The following PCBP3 variants were observed in gnomAD, a reference collection of about 807,000 sequenced individuals.
The protein encoded by PCBP3 is poly(rC) binding protein 3.
A neutral mutation model predicts 52.7 loss-of-function variants in PCBP3; 25 were observed. That is an observed-to-expected ratio of 0.47 (90% confidence interval 0.35 to 0.66). The LOEUF is 0.66. Among genes scored for constraint, PCBP3 ranks in the 30% least tolerant of loss-of-function variants. The pLI is 0.01. For synonymous variants in PCBP3, 162 were observed against 183.0 expected (o/e 0.89, Z 0.93); for missense variants, 391 against 490.3 (o/e 0.80, Z 1.91).
chr21:45,700,988 C>CAGAA, intron 2 of PCBP3, among the ~76,000 whole-genome samples: 1 of 152,090 alleles, frequency 6.6e-6, no homozygotes, highest in Non-Finnish European at 1.5e-5. Context: ...GCACAGTGTC[C>CAGAA]CCACCAAGTG....
At position 45,746,124 on chromosome 21, in the gene PCBP3, G is replaced by A. The variant is rs1249321656; in HGVS notation, c.-161-9293G>A. Among the ~76,000 whole-genome samples the A allele has an allele frequency of 2.4e-5, 3 of 127,322 alleles. 1 individual carries two copies. Among genetic ancestry groups the A allele is most frequent in the Non-Finnish European group, 4.8e-5 (3 of 63,080 alleles). 83.5% of individuals were successfully genotyped at this position (127,322 alleles called of 152,430 possible). ...CGCTGTGTCAGTCCACTGACGTAGC[G>A]CACACGGTGTTGTGTCAGCATCGCT... is the stretch of plus-strand genomic sequence containing the variant. On this transcript the variant is annotated intron_variant, in intron 3 of 17. Transcript: ENST00000681687.
intron 3 of PCBP3, chr21:45,750,032 G>A (rs932500572): frequency 3.3e-5 from 5 of 152,240 alleles, no homozygotes; most frequent in Admixed American, 6.5e-5. Context: ...CCTTTGGGGC[G>A]TGTCCAGGGA....
rs899097047 is a variant in PCBP3 at position 45,656,761 on chromosome 21, T to C, written c.-278-12113T>C. On this transcript the variant is annotated intron_variant, in intron 1 of 17. Coordinates refer to ENST00000681687, the MANE Select transcript of PCBP3 (RefSeq NM_001384156.1). The surrounding 1 kb of genome is among the most constrained non-coding windows in gnomAD (Gnocchi z 4.3). ...GTTCTTTATGTATTCTGTATGTTAG[T>C]CCCTTATCAGGTATATGATTTGCAA... Among the ~76,000 whole-genome samples the C allele has an allele frequency of 6.6e-5, 10 of 152,220 alleles. No homozygotes were observed. Among genetic ancestry groups the C allele is most frequent in the Admixed American group, 2.0e-4 (3 of 15,272 alleles).
intron 4 of PCBP3, among the ~76,000 whole-genome samples, chr21:45,819,096 C>T (rs916576716): frequency 1.3e-5 from 2 of 152,122 alleles, no homozygotes; most frequent in African/African-American, 4.8e-5. Context: ...CGTGTCATTA[C>T]ACATTTGCCC....
chr21:45,649,656 CTT>C (rs968762319), intron 1 of PCBP3, among the ~76,000 whole-genome samples: 2 of 152,082 alleles, frequency 1.3e-5, no homozygotes, highest in Non-Finnish European at 2.9e-5. Flanking sequence ...GTTCTTAAAT[CTT>C]TTATTGATCT....
intron 9 of PCBP3, among the ~76,000 whole-genome samples, chr21:45,901,744 A>AGAGAC (rs1569474835): frequency 1.2e-5 from 1 of 86,760 alleles, no homozygotes; most frequent in African/African-American, 6.0e-5. Context: ...GAGAGACAGA[A>AGAGAC]AGAGAGAGAG....
chr21:45,826,478 C>G (rs1295830310), intron 4 of PCBP3, among the ~76,000 whole-genome samples: 1 of 152,152 alleles, frequency 6.6e-6, no homozygotes, highest in Non-Finnish European at 1.5e-5. Flanking sequence ...ATGCAAAATT[C>G]TAGGTGTGTG....
Position 45,829,935 on chromosome 21 carries a change from C to G in PCBP3, c.-125-20026C>G, listed in dbSNP as rs2093405657. Reference sequence around the variant, plus strand: ...ATGCCATGGCAACTGCCAGTAACCTCAGCTTTCACCCACCAGCCTGAGACC... The same window carrying G: ...ATGCCATGGCAACTGCCAGTAACCTGAGCTTTCACCCACCAGCCTGAGACC... On this transcript the variant is annotated intron_variant, in intron 4 of 17. Transcript: ENST00000681687. This position sits in a 1 kb window ranked among gnomAD's most constrained non-coding sequence, Gnocchi z 5.2. 1 of 152,936 alleles carries G rather than the reference C, an allele frequency of 6.5e-6. No individual in the cohort carries two copies. The highest frequency in any genetic ancestry group is 2.4e-5 in the African/African-American group (1 of 41,474). 9.5% of individuals were successfully genotyped at this position (152,936 alleles called of 1,614,324 possible).
chr21:45,847,160 T>C lies in PCBP3; in HGVS notation c.-125-2801T>C, dbSNP rs117697624. On this transcript the variant is annotated intron_variant, in intron 4 of 17. Coordinates refer to ENST00000681687, the MANE Select transcript of PCBP3 (RefSeq NM_001384156.1). ...GTCTGTGTTTTGTTCTGCTGGCTAC[T>C]GTTATAAATAACACCTCTCATTGCA... Among the ~76,000 whole-genome samples, 867 of 152,336 alleles carry C rather than the reference T, an allele frequency of 5.7e-3. 8 individuals carry two copies. The highest frequency in any genetic ancestry group is 0.042 in the East Asian group (218 of 5,184).
intron 4 of PCBP3, among the ~76,000 whole-genome samples, chr21:45,789,861 C>A (rs1249671792): frequency 6.6e-6 from 1 of 152,100 alleles, no homozygotes; most frequent in African/African-American, 2.4e-5. Flanking sequence ...GTCTCTCGGC[C>A]GGGCGCAGTG....
chr21:45,747,511 G>T (rs1285140971), intron 3 of PCBP3, among the ~76,000 whole-genome samples: 3 of 152,248 alleles, frequency 2.0e-5, no homozygotes, highest in Admixed American at 6.5e-5. Context: ...CAGTGGGGCG[G>T]TTCCAGCCCC....
intron 2 of PCBP3, among the ~76,000 whole-genome samples, chr21:45,701,650 T>C (rs1378412578): frequency 6.6e-6 from 1 of 152,216 alleles, no homozygotes; most frequent in African/African-American, 2.4e-5. Context: ...AACCTCTGCC[T>C]CACAATCTCA....
intron 1 of PCBP3, among the ~76,000 whole-genome samples, chr21:45,651,965 C>T (rs572222653): frequency 6.6e-6 from 1 of 152,154 alleles, no homozygotes; most frequent in Non-Finnish European, 1.5e-5. Context: ...CATTAAAGTG[C>T]AATATGGATT....
At position 45,888,370 on chromosome 21, in the gene PCBP3, G is replaced by T. The variant is rs145477776; in HGVS notation, c.11-7838G>T. 2.4e-3 allele frequency among the ~76,000 whole-genome samples: 359 copies of T among 152,366 alleles called. 2 individuals carry two copies. Among genetic ancestry groups the T allele is most frequent in the African/African-American group, 8.3e-3 (347 of 41,592 alleles). Reference sequence around the variant, plus strand: ...TAATAACTGGCGTTACCTCCAGAGTGGATTTCAGTCTGCTCCTTGCATTTA... The same window carrying T: ...TAATAACTGGCGTTACCTCCAGAGTTGATTTCAGTCTGCTCCTTGCATTTA... On this transcript the variant is annotated intron_variant, in intron 5 of 17. Transcript: ENST00000681687.
chr21:45,908,151 C>T (rs2096253674), intron 9 of PCBP3, among the ~76,000 whole-genome samples: 1 of 152,188 alleles, frequency 6.6e-6, no homozygotes, highest in Admixed American at 6.5e-5. Flanking sequence ...GCCCAATCAT[C>T]CTTGGGGAAT....
At chr21:45,886,242 T>A (rs9976013) in intron 5 of PCBP3, among the ~76,000 whole-genome samples, 1 of 20,816 alleles carries the variant, frequency 4.8e-5, no homozygotes, top group Non-Finnish European at 9.3e-5. Flanking sequence ...GGGCAGAGGA[T>A]GTGGTGAGGT....
chr21:45,926,879 T>TG (rs762119323), intron 13 of PCBP3, among the ~76,000 whole-genome samples: 19 of 152,170 alleles, frequency 1.2e-4, no homozygotes, highest in Non-Finnish European at 2.1e-4. Context: ...TGTGAAATGT[T>TG]GGAATACTGT....
chr21:45,644,512 T>C (rs77044012), intron 1 of PCBP3, among the ~76,000 whole-genome samples: 4 of 104,484 alleles, frequency 3.8e-5, no homozygotes, highest in Non-Finnish European at 6.2e-5. Flanking sequence ...AGAGTTTTTT[T>C]CTTTTTTTTG....
intron 4 of PCBP3, among the ~76,000 whole-genome samples, chr21:45,819,288 T>C (rs1212282437): frequency 6.6e-6 from 1 of 152,164 alleles, no homozygotes; most frequent in East Asian, 1.9e-4. Flanking sequence ...AGTTTGCTGC[T>C]CTAAAAAATA....
Sources: allele counts gnomAD v4.1 joint callset (sites outside exome capture counted in the v4.1 genomes callset), GRCh38; gene constraint gnomAD v4.1.1; non-coding constraint Gnocchi (gnomAD v3.1); transcripts MANE v1.5; gene names NCBI Gene and HGNC (gene_info 2026-07-23, HGNC 2026-07-21).